The following PDE4D variants were observed in gnomAD, a reference collection of about 807,000 sequenced individuals.
The protein encoded by PDE4D is phosphodiesterase 4D.
PDE4D carries 24 observed loss-of-function variants against 87.4 expected under a neutral mutation model. The ratio of observed to expected loss-of-function variants is 0.27; its 90% CI spans 0.20 to 0.39. PDE4D has a LOEUF of 0.39. PDE4D is among the 10% of genes least tolerant of loss of function. The pLI is 1.00. For missense variants in PDE4D, 714 were observed against 1,041.0 expected, an observed-to-expected ratio of 0.69 and a Z score of 4.32; for synonymous variants, 384 against 383.2, an observed-to-expected ratio of 1.00 and a Z score of -0.02.
At chr5:59,329,643 T>C (rs1375649486) in intron 1 of PDE4D, among the ~76,000 whole-genome samples, 1 of 152,220 alleles carries the variant, frequency 6.6e-6, no homozygotes, top group Non-Finnish European at 1.5e-5. Flanking sequence ...CTATATTATC[T>C]GCCAAATGGA....
chr5:59,691,218 T>C lies in PDE4D; in HGVS notation c.455+201950A>G, dbSNP rs375693357. Among the ~76,000 whole-genome samples, 32 of 152,348 alleles carry C rather than the reference T, an allele frequency of 2.1e-4. No individual in the cohort carries two copies. The South Asian group carries it at 6.6e-3, about 32-fold the overall frequency. ...CTATTTGACCCAGCCATCCCATTAC[T>C]GGGTATATACCCAAAGGATTATAAA... On this transcript the variant is annotated intron_variant, in intron 1 of 14. Transcript: ENST00000340635.
chr5:59,683,421 C>T (rs1749353720), intron 1 of PDE4D, among the ~76,000 whole-genome samples: 1 of 152,154 alleles, frequency 6.6e-6, no homozygotes, highest in African/African-American at 2.4e-5. Context: ...AACTTTATGG[C>T]TTATAGATAT....
chr5:59,557,432 C>A (rs1819134547), intron 1 of PDE4D, among the ~76,000 whole-genome samples: 1 of 151,788 alleles, frequency 6.6e-6, no homozygotes, highest in Admixed American at 6.6e-5. Flanking sequence ...TCTTTATATG[C>A]CACCCCTGCC....
chr5:60,451,584 G>C (rs1746097516), intron 1 of PDE4D, among the ~76,000 whole-genome samples: 1 of 152,056 alleles, frequency 6.6e-6, no homozygotes, highest in South Asian at 2.1e-4. Flanking sequence ...TCTTAGAAGG[G>C]ATTAAAGGTG....
At chr5:60,426,867 T>C (rs1743769724) in intron 1 of PDE4D, among the ~76,000 whole-genome samples, 1 of 152,002 alleles carries the variant, frequency 6.6e-6, no homozygotes, top group African/African-American at 2.4e-5. Flanking sequence ...TAGAGGAGTC[T>C]AGGCAGAGAA....
At chr5:59,039,099 C>A in intron 5 of PDE4D, 128 bp from the exon 6 acceptor site, 1 of 1,447,058 alleles carries the variant, frequency 6.9e-7, no homozygotes, top group Non-Finnish European at 9.1e-7. Flanking sequence ...ATGAGGGCTG[C>A]TCCTTCATAT....
At chr5:59,711,080 C>T (rs1561520487) in intron 1 of PDE4D, among the ~76,000 whole-genome samples, 1 of 152,114 alleles carries the variant, frequency 6.6e-6, no homozygotes, top group Non-Finnish European at 1.5e-5. Flanking sequence ...ATAGGACCTG[C>T]AGAGGAAAAG....
chr5:60,433,410 G>A (rs1430040941), intron 1 of PDE4D, among the ~76,000 whole-genome samples: 1 of 152,174 alleles, frequency 6.6e-6, no homozygotes, highest in Non-Finnish European at 1.5e-5. Context: ...TTATTAAGAA[G>A]TCAAAAAGTA....
intron 6 of PDE4D, among the ~76,000 whole-genome samples, chr5:59,013,324 A>AGT (rs1753232162): frequency 6.6e-6 from 1 of 152,236 alleles, no homozygotes; most frequent in South Asian, 2.1e-4. Flanking sequence ...GGAGATAGAG[A>AGT]CACAAAAAAA....
intron 1 of PDE4D, among the ~76,000 whole-genome samples, chr5:60,295,639 C>T (rs1032195369): frequency 1.1e-4 from 17 of 152,156 alleles, no homozygotes; most frequent in African/African-American, 4.1e-4. Context: ...TGTCTCCAGA[C>T]GTTGCCTAAT....
chr5:60,013,116 C>A (rs1487456587), intron 2 of PDE4D, among the ~76,000 whole-genome samples: 1 of 152,090 alleles, frequency 6.6e-6, no homozygotes, highest in African/African-American at 2.4e-5. Flanking sequence ...TTCATGAGTG[C>A]CCTGACTCCG....
chr5:60,317,057 G>A (rs1213285643), intron 1 of PDE4D, among the ~76,000 whole-genome samples: 3 of 152,174 alleles, frequency 2.0e-5, no homozygotes, highest in Non-Finnish European at 4.4e-5. Context: ...GTTTCAGAAG[G>A]AATGGTACCA....
At chr5:59,433,374 T>G (rs1370922291) in intron 1 of PDE4D, among the ~76,000 whole-genome samples, 1 of 152,028 alleles carries the variant, frequency 6.6e-6, no homozygotes, top group Non-Finnish European at 1.5e-5. Context: ...TGTACTTAAA[T>G]TTGGATGAGA....
chr5:59,511,250 G>A (rs188502921), intron 1 of PDE4D, among the ~76,000 whole-genome samples: 89 of 151,862 alleles, frequency 5.9e-4, no homozygotes, highest in African/African-American at 1.9e-3. Flanking sequence ...AAAAAGTTTC[G>A]ATTAAGTCAG....
intron 2 of PDE4D, among the ~76,000 whole-genome samples, chr5:60,023,460 G>A (rs1290809785): frequency 6.6e-6 from 1 of 152,034 alleles, no homozygotes; most frequent in Admixed American, 6.6e-5. Flanking sequence ...CTAGACCTCA[G>A]CTCCAAAGGC....
At chr5:59,111,283 A>G (rs1772594341) in intron 5 of PDE4D, among the ~76,000 whole-genome samples, 1 of 152,170 alleles carries the variant, frequency 6.6e-6, no homozygotes, top group Admixed American at 6.5e-5. Context: ...CACTGGGGAT[A>G]GTTCCTGCAG....
chr5:60,145,912 A>G (rs979103113), intron 2 of PDE4D, among the ~76,000 whole-genome samples: 10 of 152,162 alleles, frequency 6.6e-5, no homozygotes, highest in African/African-American at 2.4e-4. Context: ...TCTTTCAACT[A>G]GGTTATAAAT....
At chr5:60,430,696 G>A (rs37689) in intron 1 of PDE4D, 31,035 of 260,148 alleles carry the variant, frequency 0.12, 2,777 homozygotes, top group East Asian at 0.37. Flanking sequence ...GCGGCCTTCC[G>A]CAGTGTTTGC....
At chr5:59,860,952 G>A (rs1294995725) in intron 1 of PDE4D, among the ~76,000 whole-genome samples, 3 of 151,790 alleles carry the variant, frequency 2.0e-5, no homozygotes, top group South Asian at 4.2e-4. Flanking sequence ...TCTGCCTCCC[G>A]GGTTCAAGCG....
Sources: gnomAD v4.1 joint callset for allele counts (sites outside exome capture counted in the v4.1 genomes callset) on GRCh38, gnomAD v4.1.1 for gene constraint, MANE v1.5 for transcripts, NCBI Gene and HGNC (gene_info 2026-07-23, HGNC 2026-07-21) for gene names.